Variants in SLC25A26 observed in about 807,000 individuals in gnomAD.
SLC25A26 encodes the protein mitochondrial S-adenosylmethionine carrier protein.
In SLC25A26, 36 loss-of-function variants were observed where a neutral mutation model predicts 37.8. That is an observed-to-expected ratio of 0.95 (90% confidence interval 0.73 to 1.26). SLC25A26 has a LOEUF of 1.26. SLC25A26 is among the 50% of genes most tolerant of loss of function. The pLI is 0.00. For synonymous variants in SLC25A26, 129 were observed against 122.5 expected, an observed-to-expected ratio of 1.05 and a Z score of -0.35; for missense variants, 390 against 331.1, an observed-to-expected ratio of 1.18 and a Z score of -1.38.
At chr3:66,173,878 CT>C (rs201424365) in intron 1 of SLC25A26, among the ~76,000 whole-genome samples, 4,910 of 152,176 alleles carry the variant, frequency 0.032, 84 homozygotes, top group Non-Finnish European at 0.042. Context: ...TGGTGTAACC[CT>C]GTCTCTACTA....
At chr3:66,202,057 A>G (rs2071117885) in intron 1 of SLC25A26, among the ~76,000 whole-genome samples, 1 of 152,140 alleles carries the variant, frequency 6.6e-6, no homozygotes, top group African/African-American at 2.4e-5. Flanking sequence ...ATAAAGACAC[A>G]CACATGTATG....
chr3:66,188,735 A>G (rs1431060973), intron 1 of SLC25A26, among the ~76,000 whole-genome samples: 3 of 152,102 alleles, frequency 2.0e-5, no homozygotes, highest in African/African-American at 7.2e-5. Flanking sequence ...AAAATGGACT[A>G]AGACACTGAC....
intron 1 of SLC25A26, among the ~76,000 whole-genome samples, chr3:66,179,865 G>C (rs946577014): frequency 6.6e-6 from 1 of 152,072 alleles, no homozygotes; most frequent in Non-Finnish European, 1.5e-5. Flanking sequence ...AGAACATTTT[G>C]ATAAATATTC....
At chr3:66,311,039 T>C (rs905976384) in intron 5 of SLC25A26, among the ~76,000 whole-genome samples, 1 of 152,218 alleles carries the variant, frequency 6.6e-6, no homozygotes, top group Non-Finnish European at 1.5e-5. Context: ...TGTTGGCCTT[T>C]CTTGCTAGGT....
chr3:66,200,390 C>G lies in SLC25A26; in HGVS notation c.-353-20352C>G, dbSNP rs1421592983. Among the ~76,000 whole-genome samples the G allele has an allele frequency of 2.6e-5, 4 of 152,212 alleles. No homozygotes were observed. The East Asian group carries it at 7.7e-4, about 29-fold the overall frequency. ...AGGCAGTGAAGAATGGTGGGTGGCA[C>G]AGCATACAGACCACAAGGATGTGGT... On this transcript the variant is annotated intron_variant, in intron 1 of 10. Transcript: ENST00000676754.
At chr3:66,326,694 C>T (rs188445333) in intron 5 of SLC25A26, among the ~76,000 whole-genome samples, 1 of 152,308 alleles carries the variant, frequency 6.6e-6, no homozygotes, top group Non-Finnish European at 1.5e-5. Flanking sequence ...CCTCTTGCTT[C>T]CTGCCTCCAA....
intron 5 of SLC25A26, among the ~76,000 whole-genome samples, chr3:66,266,327 A>C (rs367673558): frequency 5.9e-5 from 9 of 152,354 alleles, no homozygotes; most frequent in East Asian, 5.8e-4. Flanking sequence ...TAAATAGTTT[A>C]GATTCTTACT....
At chr3:66,315,288 C>A (rs563024322) in intron 5 of SLC25A26, among the ~76,000 whole-genome samples, 2 of 152,038 alleles carry the variant, frequency 1.3e-5, no homozygotes, top group Non-Finnish European at 2.9e-5. Context: ...CATAATGCTG[C>A]AAATCTGTGT....
chr3:66,133,839 T>C (rs1380156952), exon 1 of SLC25A26: 1 of 152,226 alleles, frequency 6.6e-6, no homozygotes, highest in Non-Finnish European at 1.5e-5. Flanking sequence ...ATGCTCATGG[T>C]TGCCCAGCCA....
At chr3:66,285,365 C>T (rs2074475713) in intron 5 of SLC25A26, among the ~76,000 whole-genome samples, 1 of 151,376 alleles carries the variant, frequency 6.6e-6, no homozygotes, top group Non-Finnish European at 1.5e-5. Context: ...TTATCAAAGG[C>T]ACTTACTGAG....
At chr3:66,246,990 T>A (rs1418303836) in intron 3 of SLC25A26, among the ~76,000 whole-genome samples, 1 of 151,928 alleles carries the variant, frequency 6.6e-6, no homozygotes, top group African/African-American at 2.4e-5. Flanking sequence ...GCCTCCCGAG[T>A]CGCTGGGACT....
In SLC25A26 at chr3:66,377,674, CT is replaced by C; in HGVS notation, c.708-15del. ...TAAAATACGCACAACATTAAAAATC[CT>C]GTTTTTTCCCCTAGATTATTTGCAG... On this transcript the variant is annotated splice_polypyrimidine_tract_variant and intron_variant, in intron 9 of 9. Transcript: ENST00000354883. 3 of 1,596,096 alleles carry C rather than the reference CT, an allele frequency of 1.9e-6. No individual in the cohort carries two copies. Among genetic ancestry groups the C allele is most frequent in the Non-Finnish European group, 2.6e-6 (3 of 1,164,088 alleles).
chr3:66,145,597 A>T (rs1386615084), intron 1 of SLC25A26, among the ~76,000 whole-genome samples: 1 of 152,056 alleles, frequency 6.6e-6, no homozygotes, highest in Non-Finnish European at 1.5e-5. Context: ...GTTTTTTTTT[A>T]AATACTAATC....
intron 5 of SLC25A26, among the ~76,000 whole-genome samples, chr3:66,311,243 CT>C (rs2075368098): frequency 1.3e-5 from 2 of 151,946 alleles, no homozygotes; most frequent in Admixed American, 6.6e-5. Context: ...TTAAGTTGAT[CT>C]TCAGTCTCTG....
intron 1 of SLC25A26, among the ~76,000 whole-genome samples, chr3:66,185,128 C>T (rs1344783860): frequency 6.6e-6 from 1 of 151,954 alleles, no homozygotes; most frequent in Non-Finnish European, 1.5e-5. Flanking sequence ...TTTTTCCTTT[C>T]CCAGACCCTG....
At chr3:66,252,237 A>G (rs782654004) in intron 3 of SLC25A26, among the ~76,000 whole-genome samples, 3 of 152,218 alleles carry the variant, frequency 2.0e-5, no homozygotes, top group Admixed American at 6.5e-5. Flanking sequence ...ATTAAATGCA[A>G]CTGTCACTTA....
rs759500882 is a variant in SLC25A26, at chr3:66,162,034, A to C, written c.-354+28050A>C. ...GCAGACCTGGTGGCTTCAACAAGAG[A>C]AATTGATTTTCTCACAGTTCTGGAG... On this transcript the variant is annotated intron_variant, in intron 1 of 10. Coordinates refer to the SLC25A26 transcript ENST00000676754. Among the ~76,000 whole-genome samples the C allele has an allele frequency of 2.2e-4, 33 of 152,094 alleles. 1 individual carries two copies. The highest frequency in any genetic ancestry group is 1.9e-3 in the Admixed American group (29 of 15,266).
rs1277528348 is a variant in SLC25A26 at position 66,208,662 on chromosome 3, G to GTGTA, written c.-353-12079_-353-12078insGTAT. ...TATATACACACACACCTTTATATGG[G>GTGTA]TATATATATATATATACACATTTAT... On this transcript the variant is annotated intron_variant, in intron 1 of 10. Coordinates refer to the SLC25A26 transcript ENST00000676754. Among the ~76,000 whole-genome samples the GTGTA allele has an allele frequency of 1.7e-5, 2 of 118,380 alleles. 1 individual carries two copies. The highest frequency in any genetic ancestry group is 3.4e-5 in the Non-Finnish European group (2 of 59,318). 77.7% of individuals were successfully genotyped at this position (118,380 alleles called of 152,430 possible).
intron 1 of SLC25A26, among the ~76,000 whole-genome samples, chr3:66,213,937 AG>A (rs2071322594): frequency 6.6e-6 from 1 of 152,180 alleles, no homozygotes; most frequent in African/African-American, 2.4e-5. Flanking sequence ...CTCAAAAAAA[AG>A]GTAATTATTC....
Sources: allele counts gnomAD v4.1 joint callset (sites outside exome capture counted in the v4.1 genomes callset), GRCh38; gene constraint gnomAD v4.1.1; transcripts MANE v1.5; gene names NCBI Gene and HGNC (gene_info 2026-07-23, HGNC 2026-07-21).